CCNC: variants seen among roughly 807,000 people sequenced by gnomAD.
CCNC encodes the protein cyclin C.
A neutral mutation model predicts 50.0 loss-of-function variants in CCNC; 19 were observed. That is an observed-to-expected ratio of 0.38 (90% CI 0.27 to 0.56). The LOEUF is 0.56. Ranked by LOEUF, CCNC falls within the 20% of genes least tolerant of loss-of-function variation. The probability of loss-of-function intolerance (pLI) is 0.72; values close to 1 mark genes in which losing one functional copy is unlikely to be tolerated. For synonymous variants in CCNC, 93 were observed against 103.7 expected (o/e 0.90, Z 0.63); for missense variants, 200 against 327.1 (o/e 0.61, Z 3.00).
chr6:99,550,423 C>T, intron 7 of CCNC, 114 bp from the exon 8 acceptor site: 1 of 693,818 alleles, frequency 1.4e-6, no homozygotes, highest in Non-Finnish European at 2.5e-6. Context: ...ATTTCACTAA[C>T]TCATGCTTGC....
chr6:99,556,124 C>T (rs1429597277), intron 5 of CCNC, among the ~76,000 whole-genome samples: 1 of 152,174 alleles, frequency 6.6e-6, no homozygotes, highest in African/African-American at 2.4e-5. Flanking sequence ...TCTCATAGCA[C>T]CCTGTGGTAA....
chr6:99,544,244 GC>G, intron 11 of CCNC: 2 of 1,534,766 alleles, frequency 1.3e-6, no homozygotes, highest in Non-Finnish European at 1.7e-6. Context: ...TTCAGGCCCT[GC>G]CACTAGTGGA....
intron 1 of CCNC, among the ~76,000 whole-genome samples, chr6:99,567,775 A>C (rs1397958051): frequency 6.6e-6 from 1 of 152,228 alleles, no homozygotes; most frequent in East Asian, 1.9e-4. Context: ...TTAGGGATAA[A>C]TGTTTTTAAT....
Position 99,550,941 on chromosome 6 carries a change from T to G in CCNC, c.438+52A>C, listed in dbSNP as rs184368587. On this transcript the variant is annotated intron_variant, in intron 7 of 11. Transcript: ENST00000520429. ...ATCATTTCTTTAAATAATTTCCAAC[T>G]TCATTTAATTTAAAAATGTTTTAAT... The G allele has an allele frequency of 1.7e-4, 150 of 904,304 alleles. 1 individual carries two copies. In the African/African-American group the frequency reaches 2.2e-3, roughly 13 times the overall value. The allele number at this position is 904,304 out of a possible 1,614,324, so 56.0% of individuals were successfully genotyped here. A position where few individuals can be genotyped will look rare whatever the true frequency, so the allele number is the denominator to read the frequency against.
intron 5 of CCNC, chr6:99,558,166 T>C (rs1802619768): frequency 2.9e-6 from 1 of 342,046 alleles, no homozygotes; most frequent in East Asian, 4.7e-5. Flanking sequence ...AAGAATGACA[T>C]AATAGTCATT....
At position 99,551,912 on chromosome 6, in the gene CCNC, A is replaced by C; in HGVS notation, c.347-17T>G. 7.2e-7 allele frequency: 1 copy of C among 1,393,904 alleles called. No individual in the cohort carries two copies. The highest frequency in any genetic ancestry group is 9.6e-7 in the Non-Finnish European group (1 of 1,040,066). 86.3% of individuals were successfully genotyped at this position (1,393,904 alleles called of 1,614,324 possible). Reference sequence around the variant, plus strand: ...TAGTTTTTACTGCAGAAAATAAAAAAAAAATTTAAACTGAGAAAATGGGAA... The same window carrying C: ...TAGTTTTTACTGCAGAAAATAAAAACAAAATTTAAACTGAGAAAATGGGAA... On this transcript the variant is annotated splice_polypyrimidine_tract_variant and intron_variant, in intron 5 of 11. Coordinates refer to ENST00000520429, the MANE Select transcript of CCNC (RefSeq NM_005190.4).
Position 99,552,066 on chromosome 6 carries a change from T to TG in CCNC, c.347-172dup, listed in dbSNP as rs1385735969. On this transcript the variant is annotated intron_variant, in intron 5 of 11. Coordinates refer to ENST00000520429, the MANE Select transcript of CCNC (RefSeq NM_005190.4). ...TTTACTTTCAGGGAAGGGGAAAGAC[T>TG]GGGGGGCAGGACACTCTACACAGCT... is the stretch of plus-strand genomic sequence containing the variant. Among the ~76,000 whole-genome samples the TG allele has an allele frequency of 3.9e-5, 6 of 151,932 alleles. No individual in the cohort carries two copies. In the East Asian group the frequency reaches 9.7e-4, roughly 24 times the overall value.
intron 11 of CCNC, chr6:99,544,266 G>C: frequency 5.9e-6 from 9 of 1,534,850 alleles, no homozygotes; most frequent in Non-Finnish European, 7.0e-6. Context: ...GAATCACTCA[G>C]GGAATTTCTG....
rs1224017233 is a variant in CCNC at position 99,543,988 on chromosome 6, A to G, written c.798-379T>C. On this transcript the variant is annotated intron_variant, in intron 11 of 11. Coordinates refer to ENST00000520429, the MANE Select transcript of CCNC (RefSeq NM_005190.4). ...TTACATATAAAATCCTATTCCTACT[A>G]TTTATGAAAAACAAGAAGTGTTCTT... 6.6e-6 allele frequency: 8 copies of G among 1,212,412 alleles called. No homozygotes were observed. The South Asian group carries it at 2.0e-4, about 30-fold the overall frequency. 75.1% of individuals were successfully genotyped at this position (1,212,412 alleles called of 1,614,324 possible).
intron 7 of CCNC, chr6:99,550,650 G>A (rs1802254283): frequency 3.6e-6 from 1 of 276,130 alleles, no homozygotes; most frequent in South Asian, 8.9e-5. Flanking sequence ...GCAGAATTCT[G>A]CCAAAGACAT....
intron 1 of CCNC, chr6:99,568,240 G>A (rs578115695): frequency 3.6e-5 from 20 of 549,002 alleles, no homozygotes; most frequent in Non-Finnish European, 6.5e-5. Flanking sequence ...ATTAAACTCC[G>A]AAACGTTCCT....
At chr6:99,554,224 A>G (rs1254660677) in intron 5 of CCNC, among the ~76,000 whole-genome samples, 2 of 152,114 alleles carry the variant, frequency 1.3e-5, no homozygotes, top group Non-Finnish European at 2.9e-5. Flanking sequence ...ATAAAGTACC[A>G]TCTTCATCAT....
chr6:99,568,407 C>G (rs1769249287), intron 1 of CCNC, 89 bp downstream of exon 1: 1 of 1,312,260 alleles, frequency 7.6e-7, no homozygotes, highest in Non-Finnish European at 1.1e-6. Flanking sequence ...CGGAACTGAG[C>G]TGGGATCCAG....
At chr6:99,546,608 G>C in intron 9 of CCNC, 134 bp from the exon 10 acceptor site, 1 of 588,954 alleles carries the variant, frequency 1.7e-6, no homozygotes, top group South Asian at 2.2e-5. Context: ...ACATATGAGA[G>C]TTACCACTGA....
intron 1 of CCNC, chr6:99,568,233 A>C: frequency 1.9e-6 from 1 of 537,086 alleles, no homozygotes; most frequent in Non-Finnish European, 3.3e-6. Context: ...ATCCGAAATT[A>C]AACTCCGAAA....
At chr6:99,556,030 G>A (rs60117527) in intron 5 of CCNC, among the ~76,000 whole-genome samples, 2 of 151,940 alleles carry the variant, frequency 1.3e-5, no homozygotes, top group Non-Finnish European at 2.9e-5. Context: ...GCCAATATTC[G>A]TTTAAGCCTT....
At chr6:99,544,362 A>T in intron 11 of CCNC, 1 of 1,201,660 alleles carries the variant, frequency 8.3e-7, no homozygotes, top group Non-Finnish European at 1.2e-6. Flanking sequence ...AAATTGTAAC[A>T]TTAACTTATG....
Position 99,546,444 on chromosome 6 carries a change from T to A in CCNC, c.629A>T (p.Gln210Leu). The A allele has an allele frequency of 6.2e-7, 1 of 1,613,632 alleles. No individual in the cohort carries two copies. Among genetic ancestry groups the A allele is most frequent in the Non-Finnish European group, 8.5e-7 (1 of 1,179,566 alleles). ...ACLHVACVVQ[Q>L]KDARQWFAEL... ...AGCAAACCATTGCCTGGCATCTTTC[T>A]GCTGTACAACACAGGCTACATGTAG... Residue 210 changes from glutamine to leucine, a missense_variant, in exon 10 of 12, where the codon CAG (glutamine) becomes CTG (leucine). Transcript: ENST00000520429.
At chr6:99,556,989 C>A (rs574421284) in intron 5 of CCNC, among the ~76,000 whole-genome samples, 2 of 152,360 alleles carry the variant, frequency 1.3e-5, no homozygotes, top group South Asian at 4.1e-4. Context: ...CGAAGGCCCT[C>A]TATTAGCTGA....
Sources: gnomAD v4.1 joint callset for allele counts (sites outside exome capture counted in the v4.1 genomes callset) on GRCh38, gnomAD v4.1.1 for gene constraint, MANE v1.5 for transcripts, NCBI Gene and HGNC (gene_info 2026-07-23, HGNC 2026-07-21) for gene names.